The following ATRN variants were observed in gnomAD, a reference collection of about 807,000 sequenced individuals.
ATRN encodes attractin-2.
In ATRN, 54 loss-of-function variants were observed where a neutral mutation model predicts 178.7. The ratio of observed to expected loss-of-function variants is 0.30; its 90% confidence interval spans 0.24 to 0.38. The LOEUF is 0.38. Ranked by LOEUF, ATRN falls within the 10% of genes least tolerant of loss-of-function variation. ATRN has a pLI of 1.00. For synonymous variants in ATRN, 636 were observed against 663.0 expected (o/e 0.96, Z 0.63); for missense variants, 1,443 against 1,815.1 (o/e 0.79, Z 3.73).
intron 1 of ATRN, among the ~76,000 whole-genome samples, chr20:3,474,782 C>G (rs1262112694): frequency 5.3e-5 from 8 of 151,990 alleles, no homozygotes; most frequent in South Asian, 2.1e-4. Flanking sequence ...GCCTGTAATC[C>G]CAGCACTTTG....
rs2086434657 is a variant in ATRN at position 3,591,047 on chromosome 20, C to A, written c.3185-122C>A. The A allele has an allele frequency of 3.7e-6, 4 of 1,086,410 alleles. No homozygotes were observed. The Admixed American group carries it at 8.8e-5, about 24-fold the overall frequency. 67.3% of individuals were successfully genotyped at this position (1,086,410 alleles called of 1,614,324 possible). The stretch of plus-strand genomic sequence containing the variant: ...ATTTCTCAAATTAGTTTTTAGTGGG[C>A]CAGTTTTGGTGATTTATCAAAGATA... On this transcript the variant is annotated intron_variant, in intron 18 of 28. Transcript: ENST00000262919.
At chr20:3,586,180 C>T (rs1303469007) in intron 18 of ATRN, among the ~76,000 whole-genome samples, 1 of 152,172 alleles carries the variant, frequency 6.6e-6, no homozygotes, top group Non-Finnish European at 1.5e-5. Flanking sequence ...TGAAAACAAG[C>T]CAAATACCTG....
At chr20:3,537,486 T>C (rs1273694885) in intron 2 of ATRN, among the ~76,000 whole-genome samples, 4 of 137,692 alleles carry the variant, frequency 2.9e-5, no homozygotes, top group African/African-American at 1.1e-4. Context: ...TATATTTTTT[T>C]CTTGTTTTTT....
At position 3,604,289 on chromosome 20, in the gene ATRN, C is replaced by T. The variant is rs201515045; in HGVS notation, c.3801+27C>T. On this transcript the variant is annotated intron_variant, in intron 24 of 28. Coordinates refer to ENST00000262919, the MANE Select transcript of ATRN (RefSeq NM_139321.3). ...TAAGAAGAGGCTTTTGGTCTCATACCTGCAAAGGTGGTGAAATCTCTTTAG... is the reference window on the plus strand; with the variant it reads ...TAAGAAGAGGCTTTTGGTCTCATACTTGCAAAGGTGGTGAAATCTCTTTAG... 4.6e-4 allele frequency: 713 copies of T among 1,563,592 alleles called. 3 individuals carry two copies. The highest frequency in any genetic ancestry group is 7.8e-4 in the South Asian group (64 of 81,876).
intron 1 of ATRN, among the ~76,000 whole-genome samples, chr20:3,502,043 G>T (rs960056182): frequency 6.6e-6 from 1 of 152,112 alleles, no homozygotes; most frequent in Non-Finnish European, 1.5e-5. Flanking sequence ...TAGCTTTATT[G>T]TTTGCTAGAA....
intron 22 of ATRN, among the ~76,000 whole-genome samples, chr20:3,599,621 G>C (rs1313587234): frequency 6.6e-6 from 1 of 152,210 alleles, no homozygotes; most frequent in African/African-American, 2.4e-5. Flanking sequence ...TGAAAATACA[G>C]TATTTGCAAG....
chr20:3,584,109 A>C, intron 17 of ATRN, 26 bp downstream of exon 17: 1 of 1,608,852 alleles, frequency 6.2e-7, no homozygotes. Flanking sequence ...AGCCCTAGGC[A>C]CTTATGCATG....
intron 23 of ATRN, 90 bp downstream of exon 23, chr20:3,601,114 C>T: frequency 7.9e-7 from 1 of 1,268,576 alleles, no homozygotes; most frequent in South Asian, 1.3e-5. Flanking sequence ...GCTCAGGAGA[C>T]AGATTGGTTT....
chr20:3,472,292 A>G (rs1444102798), intron 1 of ATRN, among the ~76,000 whole-genome samples: 1 of 152,254 alleles, frequency 6.6e-6, no homozygotes, highest in East Asian at 1.9e-4. Context: ...TAATACAGAC[A>G]GATTAGCCAG....
chr20:3,560,884 A>C lies in ATRN; in HGVS notation c.1426A>C (p.Asn476His). The change falls in exon 8 of 29, where the codon AAT becomes CAT. Residue 476 changes from asparagine to histidine, a missense_variant. This residue lies in a region of ATRN where 862 missense variants were observed against 972.1 expected (regional missense o/e 0.89). Coordinates refer to ENST00000262919, the MANE Select transcript of ATRN (RefSeq NM_139321.3). ...CTGCCCTCTCTATGGATATATAAGCAATGTGCAGGAATATGATTTGGGTAG... is the reference window on the plus strand; with the variant it reads ...CTGCCCTCTCTATGGATATATAAGCCATGTGCAGGAATATGATTTGGGTAG... ...GHCPLYGYIS[N>H]VQEYDLDKNT... 1 of 1,613,980 alleles carries C rather than the reference A, an allele frequency of 6.2e-7. No homozygotes were observed. The highest frequency in any genetic ancestry group is 8.5e-7 in the Non-Finnish European group (1 of 1,179,952).
chr20:3,606,564 G>A (rs1441044193), intron 24 of ATRN, among the ~76,000 whole-genome samples: 2 of 152,122 alleles, frequency 1.3e-5, no homozygotes, highest in Non-Finnish European at 1.5e-5. Flanking sequence ...CCCTGCGTTC[G>A]GTGCATATTC....
chr20:3,591,125 A>C lies in ATRN; in HGVS notation c.3185-44A>C, dbSNP rs751757987. On this transcript the variant is annotated intron_variant, in intron 18 of 28. Transcript: ENST00000262919. Reference sequence around the variant, plus strand: ...AATCTTATTGAACTTAACTACATGCAGTTCTTCCATGGTACAGACCCCTTG... The same window carrying C: ...AATCTTATTGAACTTAACTACATGCCGTTCTTCCATGGTACAGACCCCTTG... 9 of 1,516,032 alleles carry C rather than the reference A, an allele frequency of 5.9e-6. No homozygotes were observed. In the Admixed American group the frequency reaches 1.8e-4, roughly 30 times the overall value. 93.9% of individuals were successfully genotyped at this position (1,516,032 alleles called of 1,614,324 possible).
At chr20:3,605,351 T>A (rs1320603455) in intron 24 of ATRN, among the ~76,000 whole-genome samples, 1 of 152,156 alleles carries the variant, frequency 6.6e-6, no homozygotes, top group Non-Finnish European at 1.5e-5. Context: ...GTCTGGCAAT[T>A]CCTCAAAGAC....
chr20:3,628,040 T>C (rs1317896223), intron 25 of ATRN, among the ~76,000 whole-genome samples: 1 of 151,998 alleles, frequency 6.6e-6, no homozygotes, highest in African/African-American at 2.4e-5. Context: ...GGCGCGGTGG[T>C]GGGCGCCTAT....
intron 2 of ATRN, 149 bp from the exon 3 acceptor site, chr20:3,540,073 A>G: frequency 2.0e-6 from 1 of 510,570 alleles, no homozygotes; most frequent in East Asian, 3.3e-5. Context: ...GAGAATACTA[A>G]ATAAATCTTT....
chr20:3,560,043 T>C (rs1280523030), intron 7 of ATRN, among the ~76,000 whole-genome samples: 2 of 152,158 alleles, frequency 1.3e-5, no homozygotes, highest in Non-Finnish European at 2.9e-5. Context: ...ATTTATTTTT[T>C]ACTGAGGTAA....
chr20:3,487,879 C>T (rs1338917325), intron 1 of ATRN, among the ~76,000 whole-genome samples: 2 of 152,158 alleles, frequency 1.3e-5, no homozygotes, highest in East Asian at 1.9e-4. Context: ...TTTTCTGTGC[C>T]TAAGAGCTGG....
chr20:3,560,788 G>A lies in ATRN; in HGVS notation c.1330G>A (p.Val444Met). 6.2e-7 allele frequency: 1 copy of A among 1,614,186 alleles called. No individual in the cohort carries two copies. The highest frequency in any genetic ancestry group is 8.5e-7 in the Non-Finnish European group (1 of 1,180,042). The change falls in exon 8 of 29, where the codon GTG becomes ATG. Residue 444 changes from valine (V) to methionine (M), a missense_variant. Val to Met is a conservative substitution (Grantham distance 21). Transcript: ENST00000262919. ...CCCTAAGGCAAAGGAGCAGTATGCA[G>A]TGGTTGGGCACTCTGCACACATTGT... ...LTPKAKEQYA[V>M]VGHSAHIVTL...
chr20:3,485,538 G>A (rs2146077475), intron 1 of ATRN, among the ~76,000 whole-genome samples: 1 of 145,882 alleles, frequency 6.9e-6, no homozygotes, highest in East Asian at 2.0e-4. Context: ...TTCCTGAGTT[G>A]AACCCATTTT....
Sources: gnomAD v4.1 joint callset for allele counts (sites outside exome capture counted in the v4.1 genomes callset) on GRCh38, gnomAD v4.1.1 for gene constraint, gnomAD v4.1.1 regional missense constraint, MANE v1.5 for transcripts, NCBI Gene and HGNC (gene_info 2026-07-23, HGNC 2026-07-21) for gene names.